POU2F2: variants seen among roughly 807,000 people sequenced by gnomAD.
POU2F2 encodes POU domain, class 2, transcription factor 2.
POU2F2 carries 14 observed loss-of-function variants against 63.5 expected under a neutral mutation model. The observed-to-expected ratio is 0.22, with a 90% CI of 0.15 to 0.34. The LOEUF is 0.34. Ranked by LOEUF, POU2F2 falls within the 10% of genes least tolerant of loss-of-function variation. POU2F2 has a pLI of 1.00. For synonymous variants in POU2F2, 306 were observed against 348.6 expected, an observed-to-expected ratio of 0.88 and a Z score of 1.36; for missense variants, 607 against 815.2, an observed-to-expected ratio of 0.74 and a Z score of 3.11.
intron 2 of POU2F2, among the ~76,000 whole-genome samples, chr19:42,157,688 C>T (rs775106595): frequency 5.9e-5 from 9 of 152,150 alleles, no homozygotes; most frequent in Non-Finnish European, 7.3e-5. Context: ...TAATCAGATA[C>T]GGTGATAGTG....
Position 42,092,302 on chromosome 19 carries a change from C to T in POU2F2, c.1265-32G>A. 6.7e-7 allele frequency: 1 copy of T among 1,487,546 alleles called. No individual in the cohort carries two copies. The highest frequency in any genetic ancestry group is 9.2e-7 in the Non-Finnish European group (1 of 1,089,684). The allele number at this position is 1,487,546 out of a possible 1,614,324, so 92.1% of individuals were successfully genotyped here. A position where few individuals can be genotyped will look rare whatever the true frequency, so the allele number is the denominator to read the frequency against. On this transcript the variant is annotated intron_variant, in intron 12 of 14. Transcript: ENST00000692977. This position sits in a 1 kb window ranked among gnomAD's most constrained non-coding sequence, Gnocchi z 5.0. ...GAGAGAGACAGAAAGATGGGGTCTT[C>T]AGCTTCCACTCGTCCCCCACTGAGG...
chr19:42,107,745 T>C lies in POU2F2; in HGVS notation c.370-7924A>G, dbSNP rs149114014. ...TGCACAGACTCTTCTAGGGGTGGTC[T>C]ATGGAGTCCAAGTCCCTGTTTTAAA... is the stretch of plus-strand genomic sequence containing the variant. On this transcript the variant is annotated intron_variant, in intron 5 of 14. Coordinates refer to ENST00000692977, the MANE Select transcript of POU2F2 (RefSeq NM_001394376.1). Among the ~76,000 whole-genome samples the C allele has an allele frequency of 8.5e-5, 13 of 152,344 alleles. No homozygotes were observed. The East Asian group carries it at 2.5e-3, about 29-fold the overall frequency.
chr19:42,122,976 C>T (rs891544342), intron 1 of POU2F2, among the ~76,000 whole-genome samples: 2 of 152,146 alleles, frequency 1.3e-5, no homozygotes, highest in African/African-American at 2.4e-5. Flanking sequence ...CCCAGGCTCC[C>T]GTCCTGCCCT....
upstream of POU2F2, among the ~76,000 whole-genome samples, chr19:42,134,045 C>G (rs1308026032): frequency 6.6e-6 from 1 of 152,206 alleles, no homozygotes. Flanking sequence ...AGGAGATCCA[C>G]AGACCACACA....
chr19:42,109,955 TTAAAAA>T, intron 5 of POU2F2, among the ~76,000 whole-genome samples: 1 of 152,318 alleles, frequency 6.6e-6, no homozygotes, highest in Non-Finnish European at 1.5e-5. Flanking sequence ...TATTTGCTAC[TTAAAAA>T]TAAAATAAAA....
chr19:42,106,716 C>G (rs989838629), intron 5 of POU2F2, among the ~76,000 whole-genome samples: 2 of 149,058 alleles, frequency 1.3e-5, no homozygotes, highest in South Asian at 4.2e-4. Context: ...TTGAGACCAG[C>G]CTGGGCAAGA....
chr19:42,193,881 G>A (rs1444636374), intron 1 of POU2F2, among the ~76,000 whole-genome samples: 1 of 152,164 alleles, frequency 6.6e-6, no homozygotes, highest in Non-Finnish European at 1.5e-5. Context: ...AAAGGTCAGT[G>A]CATGAACTCA....
intron 1 of POU2F2, among the ~76,000 whole-genome samples, chr19:42,187,220 T>C (rs1041074100): frequency 6.6e-6 from 1 of 152,022 alleles, no homozygotes; most frequent in Non-Finnish European, 1.5e-5. Flanking sequence ...TCCCAGCATT[T>C]TGGGAGGCCG....
intron 1 of POU2F2, among the ~76,000 whole-genome samples, chr19:42,195,487 C>T (rs1296417258): frequency 6.6e-6 from 1 of 151,898 alleles, no homozygotes; most frequent in Non-Finnish European, 1.5e-5. Context: ...CGCCCGCCAC[C>T]ACACCAGGCT....
rs1191874554 is a variant in POU2F2 at position 42,152,442 on chromosome 19, CCT to C, written c.-9+7888_-9+7889del. On this transcript the variant is annotated intron_variant, in intron 2 of 6. Coordinates refer to the POU2F2 transcript ENST00000524801. This position sits in a 1 kb window ranked among gnomAD's most constrained non-coding sequence, Gnocchi z 4.1. ...CCCCAAACCTCCCCTCCCTTCTCTC[CCT>C]CTCTCTTTCTCGGCTGGCTATCGAC... The C allele has an allele frequency of 3.3e-5, 5 of 152,396 alleles. No individual in the cohort carries two copies. The highest frequency in any genetic ancestry group is 5.9e-5 in the Non-Finnish European group (4 of 68,256). The allele number at this position is 152,396 out of a possible 1,614,324, so 9.4% of individuals were successfully genotyped here.
chr19:42,166,677 T>C (rs1420549757), intron 1 of POU2F2, among the ~76,000 whole-genome samples: 2 of 151,704 alleles, frequency 1.3e-5, no homozygotes, highest in African/African-American at 4.8e-5. Context: ...GAGGAGTTGA[T>C]TGGAGTGAGG....
At chr19:42,147,746 T>C (rs1326087688) in intron 2 of POU2F2, among the ~76,000 whole-genome samples, 1 of 152,156 alleles carries the variant, frequency 6.6e-6, no homozygotes, top group Admixed American at 6.5e-5. Context: ...AAATAGTCAA[T>C]GAATATTGAC....
chr19:42,108,910 G>A (rs750460930), intron 5 of POU2F2, among the ~76,000 whole-genome samples: 4 of 152,252 alleles, frequency 2.6e-5, no homozygotes, highest in South Asian at 4.1e-4. Flanking sequence ...GGACGGTACC[G>A]ATTCTTGCTC....
intron 1 of POU2F2, among the ~76,000 whole-genome samples, chr19:42,187,761 C>CA (rs745767404): frequency 0.044 from 2,206 of 49,848 alleles, 55 homozygotes; most frequent in South Asian, 0.08. Flanking sequence ...GACTCCATCA[C>CA]AAAAAAAAAA....
In POU2F2 at chr19:42,122,195, A is replaced by G. The variant is rs2032703600; in HGVS notation, c.130-13T>C. 1 of 1,610,780 alleles carries G rather than the reference A, an allele frequency of 6.2e-7. No homozygotes were observed. Among genetic ancestry groups the G allele is most frequent in the South Asian group, 1.1e-5 (1 of 90,826 alleles). On this transcript the variant is annotated splice_polypyrimidine_tract_variant and intron_variant, in intron 3 of 14. Transcript: ENST00000692977. ...TATTTTGGGGGTTCTGCAAAGAGAA[A>G]GTAGGAGCAAGGGGATGGGAATAGT...
At chr19:42,163,443 G>A (rs2034590164) in intron 1 of POU2F2, among the ~76,000 whole-genome samples, 1 of 152,220 alleles carries the variant, frequency 6.6e-6, no homozygotes, top group Non-Finnish European at 1.5e-5. Flanking sequence ...TGGGCTCAGG[G>A]AGGGGGGCAG....
At chr19:42,146,529 G>T (rs916834863) in intron 2 of POU2F2, among the ~76,000 whole-genome samples, 2 of 152,172 alleles carry the variant, frequency 1.3e-5, no homozygotes, top group African/African-American at 4.8e-5. Flanking sequence ...CACTTTGTGG[G>T]GCCCTAGCAG....
intron 2 of POU2F2, among the ~76,000 whole-genome samples, chr19:42,139,524 C>T (rs1002020201): frequency 3.3e-5 from 5 of 152,160 alleles, no homozygotes; most frequent in Non-Finnish European, 7.3e-5. Context: ...ACTGCAACCT[C>T]CACCTCCTGG....
chr19:42,145,265 T>G (rs1473454133), intron 2 of POU2F2, among the ~76,000 whole-genome samples: 1 of 152,190 alleles, frequency 6.6e-6, no homozygotes, highest in Non-Finnish European at 1.5e-5. Flanking sequence ...CTTAGTACAC[T>G]AGGAGGCTCA....
Sources: allele counts gnomAD v4.1 joint callset (sites outside exome capture counted in the v4.1 genomes callset), GRCh38; gene constraint gnomAD v4.1.1; non-coding constraint Gnocchi (gnomAD v3.1); transcripts MANE v1.5; gene names NCBI Gene and HGNC (gene_info 2026-07-23, HGNC 2026-07-21).